The following ADGRD1 variants were observed in gnomAD, a reference collection of about 807,000 sequenced individuals.
ADGRD1 encodes the protein adhesion G protein-coupled receptor D1, also known as G-protein coupled receptor 133.
A neutral mutation model predicts 113.4 loss-of-function variants in ADGRD1; 77 were observed. The ratio of observed to expected loss-of-function variants is 0.68; its 90% CI spans 0.57 to 0.82. The LOEUF is 0.82. ADGRD1 is among the 40% of genes least tolerant of loss of function. The pLI is 0.00. For missense variants in ADGRD1, 1,036 were observed against 1,139.1 expected, an observed-to-expected ratio of 0.91 and a Z score of 1.30; for synonymous variants, 474 against 475.0, an observed-to-expected ratio of 1.00 and a Z score of 0.03.
At chr12:131,064,891 CT>C (rs1379684979) in intron 13 of ADGRD1, among the ~76,000 whole-genome samples, 1 of 152,190 alleles carries the variant, frequency 6.6e-6, no homozygotes, top group Non-Finnish European at 1.5e-5. Context: ...GTGAGCGTTC[CT>C]GCCTAGATGC....
intron 13 of ADGRD1, among the ~76,000 whole-genome samples, chr12:131,049,797 T>A (rs1327871300): frequency 6.6e-6 from 1 of 152,006 alleles, no homozygotes; most frequent in Non-Finnish European, 1.5e-5. Context: ...GGGGAGAGCA[T>A]GGGCCCAGCC....
intron 13 of ADGRD1, 86 bp from the exon 14 acceptor site, chr12:131,076,715 G>A (rs1188495870): frequency 1.4e-5 from 16 of 1,174,178 alleles, no homozygotes; most frequent in Non-Finnish European, 2.1e-5. Flanking sequence ...TCGCCCAGCT[G>A]TAAGGGTCTC....
intron 11 of ADGRD1, 63 bp from the exon 12 acceptor site, chr12:131,005,909 T>G: frequency 1.6e-6 from 2 of 1,283,036 alleles, no homozygotes; most frequent in Non-Finnish European, 2.3e-6. Context: ...GCGTGGGGCT[T>G]TGTGTTTTTC....
At chr12:131,025,647 A>G (rs558750365) in intron 13 of ADGRD1, 3 of 152,142 alleles carry the variant, frequency 2.0e-5, no homozygotes, top group African/African-American at 7.2e-5. Flanking sequence ...GGTTCAAGCA[A>G]TTCTCCTGCC....
intron 3 of ADGRD1, chr12:130,967,108 A>G (rs1345413225): frequency 2.3e-6 from 1 of 442,650 alleles, no homozygotes; most frequent in South Asian, 1.6e-5. Flanking sequence ...TCATCTGCAC[A>G]CTGACCACAG....
rs1158208285 is a variant in ADGRD1 at position 131,076,788 on chromosome 12, T to C, written c.1474-13T>C. Reference sequence around the variant, plus strand: ...GCAGCGTCATGCATCGTGTTTGCTTTCTTTCATTTCAGACACGTAAGCAGC... The same window carrying C: ...GCAGCGTCATGCATCGTGTTTGCTTCCTTTCATTTCAGACACGTAAGCAGC... On this transcript the variant is annotated splice_polypyrimidine_tract_variant and intron_variant, in intron 13 of 24. Coordinates refer to ENST00000261654, the MANE Select transcript of ADGRD1 (RefSeq NM_198827.5). The C allele has an allele frequency of 6.2e-7, 1 of 1,612,862 alleles. No homozygotes were observed. Among genetic ancestry groups the C allele is most frequent in the African/African-American group, 1.3e-5 (1 of 74,898 alleles).
At chr12:131,008,301 T>C (rs1240255172) in intron 12 of ADGRD1, among the ~76,000 whole-genome samples, 4 of 152,246 alleles carry the variant, frequency 2.6e-5, no homozygotes, top group Admixed American at 6.5e-5. Context: ...AGCACGTTTA[T>C]GTGCGCACAT....
chr12:131,012,278 T>G (rs1878019773), intron 12 of ADGRD1, among the ~76,000 whole-genome samples: 1 of 18,828 alleles, frequency 5.3e-5, no homozygotes. Context: ...TTTCTTTTCA[T>G]TTTTTTTTTT....
chr12:131,063,188 A>C (rs1314371398), intron 13 of ADGRD1, among the ~76,000 whole-genome samples: 2 of 152,224 alleles, frequency 1.3e-5, no homozygotes, highest in East Asian at 3.8e-4. Context: ...GATCTGGATT[A>C]TTATAGATAT....
chr12:131,101,369 CTTTCTTTCTT>C (rs1566110344), intron 15 of ADGRD1, among the ~76,000 whole-genome samples: 40 of 54,554 alleles, frequency 7.3e-4, no homozygotes, highest in Middle Eastern at 9.6e-3. Flanking sequence ...TTTTCTTTTT[CTTTCTTTCTT>C]TTTTTTTTTT....
intron 13 of ADGRD1, among the ~76,000 whole-genome samples, chr12:131,045,472 C>T (rs1487722665): frequency 6.6e-6 from 1 of 151,866 alleles, no homozygotes; most frequent in African/African-American, 2.4e-5. Flanking sequence ...CAGCGCACGC[C>T]CGGGAGCTGC....
intron 4 of ADGRD1, among the ~76,000 whole-genome samples, chr12:130,979,815 T>A (rs1022908776): frequency 2.1e-5 from 3 of 139,746 alleles, no homozygotes; most frequent in Non-Finnish European, 4.6e-5. Flanking sequence ...GCAGCTAGTG[T>A]CTCACACACA....
rs561328402 is a variant in ADGRD1, at chr12:131,100,146, G to T, written c.1672-4685G>T. The stretch of plus-strand genomic sequence containing the variant: ...TATGATGCATTTGGTTAATGGGTTG[G>T]TTAATGGTTAGGTTAGTTGGTAGTG... On this transcript the variant is annotated intron_variant, in intron 15 of 24. Transcript: ENST00000261654. 3.3e-5 allele frequency among the ~76,000 whole-genome samples: 5 copies of T among 152,014 alleles called. No individual in the cohort carries two copies. In the East Asian group the frequency reaches 7.7e-4, roughly 24 times the overall value.
chr12:131,013,454 GTC>G (rs1566029317), intron 12 of ADGRD1, among the ~76,000 whole-genome samples: 1 of 152,056 alleles, frequency 6.6e-6, no homozygotes. Flanking sequence ...GAGAATGAGG[GTC>G]TTTGAGCCCT....
chr12:131,138,599 C>G (rs990354463), intron 24 of ADGRD1, among the ~76,000 whole-genome samples: 1 of 152,150 alleles, frequency 6.6e-6, no homozygotes, highest in East Asian at 1.9e-4. Context: ...TGTGCCGCTG[C>G]TTCCCCCCTG....
At chr12:131,088,740 G>T (rs1886682429) in intron 15 of ADGRD1, among the ~76,000 whole-genome samples, 1 of 152,184 alleles carries the variant, frequency 6.6e-6, no homozygotes, top group Non-Finnish European at 1.5e-5. Context: ...CGCTGGTGTG[G>T]CGGGGGTGGA....
At chr12:131,055,881 C>A (rs1883824516) in intron 13 of ADGRD1, among the ~76,000 whole-genome samples, 1 of 152,162 alleles carries the variant, frequency 6.6e-6, no homozygotes, top group African/African-American at 2.4e-5. Context: ...AAAATAACAT[C>A]ATTTTTGATG....
At chr12:131,051,709 C>T (rs905539859) in intron 13 of ADGRD1, among the ~76,000 whole-genome samples, 1 of 152,178 alleles carries the variant, frequency 6.6e-6, no homozygotes, top group Non-Finnish European at 1.5e-5. Context: ...TGGTCTCAAA[C>T]TCCTGACCTC....
At chr12:131,130,917 G>A (rs139258793) in intron 20 of ADGRD1, among the ~76,000 whole-genome samples, 106 of 152,358 alleles carry the variant, frequency 7.0e-4, no homozygotes, top group African/African-American at 2.4e-3. Flanking sequence ...TTGCCTGAAA[G>A]TTCGAGCCTG....
Sources: allele counts gnomAD v4.1 joint callset (sites outside exome capture counted in the v4.1 genomes callset), GRCh38; gene constraint gnomAD v4.1.1; transcripts MANE v1.5; gene names NCBI Gene and HGNC (gene_info 2026-07-23, HGNC 2026-07-21).